The following TNRC6A variants were observed in gnomAD, a reference collection of about 807,000 sequenced individuals.
TNRC6A encodes the protein trinucleotide repeat containing adaptor 6A, also known as trinucleotide repeat-containing gene 6A protein.
In TNRC6A, 44 loss-of-function variants were observed where a neutral mutation model predicts 221.2. That is an observed-to-expected ratio of 0.20 (90% confidence interval 0.16 to 0.26). TNRC6A has a LOEUF of 0.26. Ranked by LOEUF, TNRC6A falls within the 10% of genes least tolerant of loss-of-function variation. TNRC6A has a pLI of 1.00. For missense variants in TNRC6A, 2,199 were observed against 2,404.4 expected (o/e 0.91, Z 1.79); for synonymous variants, 847 against 838.5 (o/e 1.01, Z -0.18).
chr16:24,712,251 T>A (rs1014232930), intron 2 of TNRC6A, among the ~76,000 whole-genome samples: 1 of 152,186 alleles, frequency 6.6e-6, no homozygotes, highest in Non-Finnish European at 1.5e-5. Context: ...GCGATCCTCC[T>A]GCCTTGGCCT....
At chr16:24,691,209 T>C (rs1418961425) in intron 2 of TNRC6A, among the ~76,000 whole-genome samples, 1 of 152,062 alleles carries the variant, frequency 6.6e-6, no homozygotes, top group Non-Finnish European at 1.5e-5. Flanking sequence ...TAGTCTTTTC[T>C]CTAATTAGTA....
At chr16:24,722,391 G>A (rs1193272741) in intron 2 of TNRC6A, among the ~76,000 whole-genome samples, 1 of 151,532 alleles carries the variant, frequency 6.6e-6, no homozygotes, top group African/African-American at 2.4e-5. Context: ...CCTAGCCTGG[G>A]TGACAGAGCA....
At chr16:24,706,749 T>C (rs1359443539) in intron 2 of TNRC6A, among the ~76,000 whole-genome samples, 2 of 148,206 alleles carry the variant, frequency 1.3e-5, no homozygotes, top group Non-Finnish European at 3.0e-5. Flanking sequence ...AGCAGATTAA[T>C]GAAGCAGATT....
chr16:24,721,523 G>C (rs1596545941), intron 2 of TNRC6A, among the ~76,000 whole-genome samples: 1 of 152,016 alleles, frequency 6.6e-6, no homozygotes, highest in Non-Finnish European at 1.5e-5. Flanking sequence ...AATGATAGTA[G>C]GGCCAGGTGC....
Position 24,809,438 on chromosome 16 carries a change from C to T in TNRC6A, c.4629C>T (p.Ser1543=). The T allele has an allele frequency of 2.5e-6, 4 of 1,587,592 alleles. No individual in the cohort carries two copies. Among genetic ancestry groups the T allele is most frequent in the Non-Finnish European group, 3.4e-6 (4 of 1,166,306 alleles). Reference sequence around the variant, plus strand: ...TAAGGAAGTGGACGACAGTGGACAGCATTTCTGTGAACACATCTTTGGATC... The same window carrying T: ...TAAGGAAGTGGACGACAGTGGACAGTATTTCTGTGAACACATCTTTGGATC... ...SRLRKWTTVD[S]ISVNTSLDQN... is the part of the protein sequence containing the mutation. Residue 1543 remains serine, a synonymous_variant, in exon 18 of 25, where the codon AGC becomes AGT. Transcript: ENST00000395799.
chr16:24,686,733 C>T (rs1471146654), intron 2 of TNRC6A, among the ~76,000 whole-genome samples: 4 of 152,056 alleles, frequency 2.6e-5, no homozygotes, highest in African/African-American at 7.2e-5. Context: ...ACAATAGGAT[C>T]GGTGCCGCGA....
chr16:24,758,383 T>G (rs2057295842), intron 4 of TNRC6A, 23 bp downstream of exon 4: 1 of 1,608,864 alleles, frequency 6.2e-7, no homozygotes, highest in African/African-American at 1.3e-5. Context: ...AAGCTATTTT[T>G]TATCCCTTTT....
intron 2 of TNRC6A, among the ~76,000 whole-genome samples, chr16:24,645,415 G>A (rs983095559): frequency 2.6e-5 from 4 of 151,876 alleles, no homozygotes; most frequent in Admixed American, 2.6e-4. Flanking sequence ...GCTTGAGCCT[G>A]GGAGGCAGAG....
At chr16:24,666,533 A>G (rs2055165843) in intron 2 of TNRC6A, among the ~76,000 whole-genome samples, 1 of 146,608 alleles carries the variant, frequency 6.8e-6, no homozygotes. Flanking sequence ...CCAGCTACTC[A>G]GGAGGTTGAG....
At chr16:24,716,195 A>G (rs1349529705) in intron 2 of TNRC6A, among the ~76,000 whole-genome samples, 1 of 152,014 alleles carries the variant, frequency 6.6e-6, no homozygotes, top group African/African-American at 2.4e-5. Context: ...CATTAGGTCC[A>G]CCTCATTTCT....
chr16:24,641,153 G>A (rs934549045), intron 2 of TNRC6A: 12 of 152,306 alleles, frequency 7.9e-5, no homozygotes, highest in African/African-American at 2.7e-4. Flanking sequence ...GCAAGAGAAA[G>A]GGGGCAAGGT....
intron 1 of TNRC6A, among the ~76,000 whole-genome samples, chr16:24,625,339 T>A (rs1030948282): frequency 5.3e-5 from 8 of 152,076 alleles, no homozygotes; most frequent in African/African-American, 1.9e-4. Flanking sequence ...CCAGGCCGGG[T>A]GCGGCAGCTC....
At chr16:24,708,066 A>C (rs866527600) in intron 2 of TNRC6A, among the ~76,000 whole-genome samples, 31 of 151,830 alleles carry the variant, frequency 2.0e-4, no homozygotes, top group Admixed American at 9.9e-4. Flanking sequence ...CAAAAAAAAA[A>C]AAACACACAC....
chr16:24,719,745 G>A (rs1009431493), intron 2 of TNRC6A, among the ~76,000 whole-genome samples: 5 of 152,010 alleles, frequency 3.3e-5, no homozygotes, highest in African/African-American at 1.2e-4. Context: ...GGAGGTTGGG[G>A]CAGGAGGATC....
chr16:24,626,627 C>A (rs1901007562), intron 1 of TNRC6A, among the ~76,000 whole-genome samples: 2 of 150,502 alleles, frequency 1.3e-5, no homozygotes, highest in Admixed American at 6.7e-5. Context: ...TATGTTTTAC[C>A]AAGTTTTTTT....
intron 2 of TNRC6A, among the ~76,000 whole-genome samples, chr16:24,672,587 A>G (rs1596646562): frequency 6.6e-6 from 1 of 151,962 alleles, no homozygotes; most frequent in African/African-American, 2.4e-5. Flanking sequence ...GACTACAAGC[A>G]TGCACCACCA....
chr16:24,778,491 A>G, intron 5 of TNRC6A: 1 of 985,410 alleles, frequency 1.0e-6, no homozygotes, highest in South Asian at 4.7e-5. Context: ...GCATAGGCAC[A>G]TTGTTATTGG....
At chr16:24,775,434 A>T (rs576383120) in intron 4 of TNRC6A, among the ~76,000 whole-genome samples, 1 of 152,356 alleles carries the variant, frequency 6.6e-6, no homozygotes, top group Admixed American at 6.5e-5. Context: ...ATATTAAAAA[A>T]GTATAAATGA....
chr16:24,822,809 T>G, intron 23 of TNRC6A, 65 bp from the exon 24 acceptor site: 2 of 1,602,434 alleles, frequency 1.2e-6, no homozygotes, highest in South Asian at 2.2e-5. Context: ...CAGTGCAGCC[T>G]GAAACAGCCT....
Sources: allele counts gnomAD v4.1 joint callset (sites outside exome capture counted in the v4.1 genomes callset), GRCh38; gene constraint gnomAD v4.1.1; transcripts MANE v1.5; gene names NCBI Gene and HGNC (gene_info 2026-07-23, HGNC 2026-07-21).